PLEKHA6: variants seen among roughly 807,000 people sequenced by gnomAD.
The protein encoded by PLEKHA6 is pleckstrin homology domain containing A6.
A neutral mutation model predicts 116.7 loss-of-function variants in PLEKHA6; 60 were observed. That is an observed-to-expected ratio of 0.51 (90% CI 0.42 to 0.64). PLEKHA6 has a LOEUF of 0.64. PLEKHA6 is among the 30% of genes least tolerant of loss of function. The pLI is 0.00. For synonymous variants in PLEKHA6, 489 were observed against 556.1 expected (o/e 0.88, Z 1.70); for missense variants, 1,338 against 1,422.7 (o/e 0.94, Z 0.96).
At chr1:204,269,036 G>T (rs1243840321) in intron 3 of PLEKHA6, among the ~76,000 whole-genome samples, 1 of 151,912 alleles carries the variant, frequency 6.6e-6, no homozygotes, top group Non-Finnish European at 1.5e-5. Flanking sequence ...CCCGGCTCCA[G>T]CACCCTCCAC....
At chr1:204,258,807 C>T (rs1445512549) in intron 8 of PLEKHA6, among the ~76,000 whole-genome samples, 2 of 152,200 alleles carry the variant, frequency 1.3e-5, no homozygotes, top group African/African-American at 2.4e-5. Context: ...TAAATCATGG[C>T]TTTAAAACAA....
At chr1:204,354,492 T>C (rs539192331) in intron 1 of PLEKHA6, among the ~76,000 whole-genome samples, 5 of 152,344 alleles carry the variant, frequency 3.3e-5, no homozygotes, top group African/African-American at 9.6e-5. Flanking sequence ...CCTTCCGAAA[T>C]ATGATGTTCA....
intron 9 of PLEKHA6, chr1:204,251,426 G>A (rs1378274821): frequency 3.2e-6 from 2 of 627,772 alleles, no homozygotes; most frequent in African/African-American, 3.6e-5. Context: ...CCAGGCAGAT[G>A]AGCGGGTTGG....
At chr1:204,367,249 C>T (rs943089536) in intron 3 of PLEKHA6, among the ~76,000 whole-genome samples, 2 of 152,232 alleles carry the variant, frequency 1.3e-5, no homozygotes, top group Non-Finnish European at 2.9e-5. Context: ...GCTCCCCAGC[C>T]CACAGAGGGG....
upstream of PLEKHA6, among the ~76,000 whole-genome samples, chr1:204,364,795 G>A (rs1023405637): frequency 6.6e-6 from 1 of 152,202 alleles, no homozygotes; most frequent in Admixed American, 6.5e-5. Flanking sequence ...GAATGTGTTG[G>A]AAGTGCAAAT....
chr1:204,334,854 C>T (rs2103286860), intron 1 of PLEKHA6, among the ~76,000 whole-genome samples: 1 of 152,180 alleles, frequency 6.6e-6, no homozygotes, highest in East Asian at 1.9e-4. Context: ...GCCAAGATTG[C>T]ACTACTGCAC....
At chr1:204,314,690 A>C (rs1241737801) in intron 1 of PLEKHA6, among the ~76,000 whole-genome samples, 1 of 152,176 alleles carries the variant, frequency 6.6e-6, no homozygotes, top group Admixed American at 6.5e-5. Context: ...CCCTGAGTCA[A>C]GCTTGTCTTT....
At position 204,308,117 on chromosome 1, in the gene PLEKHA6, A is replaced by T. The variant is rs145190752; in HGVS notation, c.-94-33308T>A. On this transcript the variant is annotated intron_variant, in intron 1 of 22. Transcript: ENST00000272203. ...CCATAATAGAATTAGGCCAGGTGAG[A>T]CTAGGAAGGGACTGTAGCAATTGTA... Among the ~76,000 whole-genome samples the T allele has an allele frequency of 3.3e-4, 51 of 152,310 alleles. No homozygotes were observed. In the East Asian group the frequency reaches 9.5e-3, roughly 28 times the overall value.
chr1:204,247,561 A>C (rs765913275), intron 12 of PLEKHA6, 101 bp from the exon 13 acceptor site: 6 of 747,432 alleles, frequency 8.0e-6, no homozygotes, highest in African/African-American at 1.7e-5. Flanking sequence ...AGGCACAAAG[A>C]TCTGGGGAAG....
At position 204,221,095 on chromosome 1, in the gene PLEKHA6, G is replaced by A. The variant is rs780875201; in HGVS notation, c.*1693C>T. On this transcript the variant is annotated 3_prime_UTR_variant, in exon 23 of 23. Coordinates refer to ENST00000272203, the MANE Select transcript of PLEKHA6 (RefSeq NM_014935.5). ...GATGGGAAATACAGCCAAGGGTCAC[G>A]TTTAAAAAACCTGCTAGAAGTGAAG... 4 of 152,460 alleles carry A rather than the reference G, an allele frequency of 2.6e-5. No homozygotes were observed. The highest frequency in any genetic ancestry group is 1.9e-4 in the East Asian group (1 of 5,198). The allele number at this position is 152,460 out of a possible 1,614,324, so 9.4% of individuals were successfully genotyped here. A position where few individuals can be genotyped will look rare whatever the true frequency, so the allele number is the denominator to read the frequency against.
intron 9 of PLEKHA6, among the ~76,000 whole-genome samples, chr1:204,251,161 T>G (rs1664503501): frequency 6.6e-6 from 1 of 152,182 alleles, no homozygotes; most frequent in South Asian, 2.1e-4. Flanking sequence ...CACAGCACAT[T>G]CTATACACCT....
intron 1 of PLEKHA6, among the ~76,000 whole-genome samples, chr1:204,373,425 G>T (rs950438685): frequency 3.3e-5 from 5 of 151,844 alleles, no homozygotes; most frequent in Admixed American, 6.6e-5. Context: ...TTACTATGTT[G>T]CCCAGGTTGG....
chr1:204,364,526 C>T (rs1224405589), upstream of PLEKHA6, among the ~76,000 whole-genome samples: 1 of 152,178 alleles, frequency 6.6e-6, no homozygotes, highest in African/African-American at 2.4e-5. Context: ...CATAAAGGTG[C>T]GGTGAGGAAT....
chr1:204,255,540 T>A (rs997091882), intron 9 of PLEKHA6: 2 of 683,072 alleles, frequency 2.9e-6, no homozygotes, highest in African/African-American at 3.5e-5. Flanking sequence ...GGTTGTCAAA[T>A]GGCTGGAAGA....
At chr1:204,347,148 A>G (rs1673088453) in intron 1 of PLEKHA6, 1 of 1,121,516 alleles carries the variant, frequency 8.9e-7, no homozygotes, top group Non-Finnish European at 1.3e-6. Context: ...CTACAATATC[A>G]CCTTTCTTAT....
chr1:204,274,151 T>A (rs1278689589), intron 2 of PLEKHA6, among the ~76,000 whole-genome samples: 1 of 151,906 alleles, frequency 6.6e-6, no homozygotes, highest in Non-Finnish European at 1.5e-5. Context: ...AGGATGGTCT[T>A]AAACTCCTGG....
chr1:204,349,189 C>T (rs948863046), intron 1 of PLEKHA6, among the ~76,000 whole-genome samples: 5 of 152,188 alleles, frequency 3.3e-5, no homozygotes, highest in African/African-American at 1.2e-4. Flanking sequence ...GGGGCCAGGA[C>T]AGACACCTGG....
intron 1 of PLEKHA6, among the ~76,000 whole-genome samples, chr1:204,322,311 G>A (rs1014713836): frequency 6.6e-6 from 1 of 152,106 alleles, no homozygotes; most frequent in East Asian, 1.9e-4. Context: ...CTTGTTTAAG[G>A]GGAGGAAATG....
rs975053815 is a variant in PLEKHA6, at chr1:204,238,590, G to A, written c.2409+2785C>T. On this transcript the variant is annotated intron_variant, in intron 17 of 22. Coordinates refer to ENST00000272203, the MANE Select transcript of PLEKHA6 (RefSeq NM_014935.5). The surrounding 1 kb of genome is among the most constrained non-coding windows in gnomAD (Gnocchi z 4.2). Reference sequence around the variant, plus strand: ...GTGGTATATATGTGATCAGGCTCGAGCAGGTCCTGAAGGCACAAGTAAGTT... The same window carrying A: ...GTGGTATATATGTGATCAGGCTCGAACAGGTCCTGAAGGCACAAGTAAGTT... 6.6e-6 allele frequency among the ~76,000 whole-genome samples: 1 copy of A among 152,148 alleles called. No homozygotes were observed. Among genetic ancestry groups the A allele is most frequent in the Non-Finnish European group, 1.5e-5 (1 of 68,016 alleles).
Sources: gnomAD v4.1 joint callset for allele counts (sites outside exome capture counted in the v4.1 genomes callset) on GRCh38, gnomAD v4.1.1 for gene constraint, Gnocchi (gnomAD v3.1) non-coding constraint, MANE v1.5 for transcripts, NCBI Gene and HGNC (gene_info 2026-07-23, HGNC 2026-07-21) for gene names.